OR2C1: variants seen among roughly 807,000 people sequenced by gnomAD.
OR2C1 encodes olfactory receptor 2C1.
For missense variants in OR2C1, 468 were observed against 388.3 expected, an observed-to-expected ratio of 1.21 and a Z score of -1.73; for synonymous variants, 209 against 167.3, an observed-to-expected ratio of 1.25 and a Z score of -1.92.
At chr16:3,347,775 TGCACACAC>T in the OR2C1 span, among the ~76,000 whole-genome samples, 2 of 151,266 alleles carry the variant, frequency 1.3e-5, no homozygotes, top group Non-Finnish European at 2.9e-5. Flanking sequence ...TGAACACACA[TGCACACAC>T]GCACACACAC....
the OR2C1 span, among the ~76,000 whole-genome samples, chr16:3,347,076 C>G: frequency 6.6e-6 from 1 of 150,910 alleles, no homozygotes; most frequent in African/African-American, 2.4e-5. Context: ...GAAACCTCAT[C>G]TCTACTAAAG....
chr16:3,337,203 G>A, the OR2C1 span, among the ~76,000 whole-genome samples: 1 of 150,172 alleles, frequency 6.7e-6, no homozygotes, highest in Non-Finnish European at 1.5e-5. Flanking sequence ...CTCCCAGGCT[G>A]GAGTGCAGTG....
At chr16:3,333,292 T>C in the OR2C1 span, among the ~76,000 whole-genome samples, 1 of 141,618 alleles carries the variant, frequency 7.1e-6, no homozygotes, top group Non-Finnish European at 1.5e-5. Context: ...GTTTTTAGTT[T>C]CTTGTCAGAG....
chr16:3,328,486 T>C, the OR2C1 span, among the ~76,000 whole-genome samples: 2 of 152,254 alleles, frequency 1.3e-5, no homozygotes, highest in Admixed American at 6.5e-5. Context: ...ATTGGGAAGA[T>C]ATTTATTGGT....
At chr16:3,342,515 C>T in the OR2C1 span, among the ~76,000 whole-genome samples, 1 of 152,100 alleles carries the variant, frequency 6.6e-6, no homozygotes, top group South Asian at 2.1e-4. Context: ...GTCAGGAGTT[C>T]GAGACCAGTC....
At chr16:3,353,822 G>GAAGA (rs1277912957), upstream of OR2C1, among the ~76,000 whole-genome samples, 49 of 151,924 alleles carry the variant, frequency 3.2e-4, no homozygotes, top group African/African-American at 1.2e-3. Flanking sequence ...AAGAAGGAAG[G>GAAGA]AAGGAAGGAA....
the OR2C1 span, chr16:3,323,126 A>G: frequency 1.8e-6 from 1 of 545,586 alleles, no homozygotes; most frequent in Admixed American, 3.4e-5. Flanking sequence ...AATCTCAAAA[A>G]AACAAAAACA....
chr16:3,348,909 C>G, the OR2C1 span, among the ~76,000 whole-genome samples: 1 of 151,762 alleles, frequency 6.6e-6, no homozygotes, highest in Non-Finnish European at 1.5e-5. Context: ...ACTGGGACTC[C>G]CCCTCTCTGC....
upstream of OR2C1, among the ~76,000 whole-genome samples, chr16:3,351,887 C>CTTTTTTTT (rs35692577): frequency 7.2e-5 from 9 of 124,578 alleles, no homozygotes; most frequent in Non-Finnish European, 8.6e-5. Flanking sequence ...AGCATTTAGT[C>CTTTTTTTT]TTTTTTTTTT....
chr16:3,344,267 C>T, the OR2C1 span, among the ~76,000 whole-genome samples: 75 of 151,662 alleles, frequency 4.9e-4, no homozygotes, highest in African/African-American at 1.6e-3. Flanking sequence ...ACAAGAAAAA[C>T]AGAAAAATGA....
the OR2C1 span, among the ~76,000 whole-genome samples, chr16:3,334,432 C>A: frequency 6.6e-6 from 1 of 151,412 alleles, no homozygotes; most frequent in Admixed American, 6.6e-5. Flanking sequence ...CACCTCAGCA[C>A]AGCCTGCTAA....
chr16:3,323,116 A>T, the OR2C1 span: 6 of 554,774 alleles, frequency 1.1e-5, no homozygotes, highest in South Asian at 1.3e-4. Flanking sequence ...TGATAAAAAA[A>T]ATCTCAAAAA....
At chr16:3,347,471 T>G in the OR2C1 span, among the ~76,000 whole-genome samples, 138 of 151,988 alleles carry the variant, frequency 9.1e-4, 2 homozygotes, top group East Asian at 0.018. Context: ...ACATACTTTT[T>G]TTTTTTTTGA....
chr16:3,335,589 C>T, the OR2C1 span, among the ~76,000 whole-genome samples: 5 of 124,260 alleles, frequency 4.0e-5, no homozygotes, highest in Admixed American at 5.3e-4. Context: ...TGCAGTAGCG[C>T]AATATTGGCT....
the OR2C1 span, among the ~76,000 whole-genome samples, chr16:3,338,003 C>G: frequency 6.6e-6 from 1 of 152,174 alleles, no homozygotes; most frequent in Non-Finnish European, 1.5e-5. Flanking sequence ...TGGCAGTAGA[C>G]GGTGCCTTAA....
At chr16:3,349,578 C>G in the OR2C1 span, among the ~76,000 whole-genome samples, 2 of 152,068 alleles carry the variant, frequency 1.3e-5, no homozygotes, top group South Asian at 4.1e-4. Context: ...GGGGGAATCT[C>G]AAAGCCAAAG....
the OR2C1 span, among the ~76,000 whole-genome samples, chr16:3,338,602 C>A: frequency 2.0e-4 from 27 of 131,946 alleles, no homozygotes; most frequent in African/African-American, 7.3e-4. Context: ...CAGTGGCGCG[C>A]TCTCGGCTCA....
At chr16:3,357,818 C>T (rs931843606), downstream of OR2C1, among the ~76,000 whole-genome samples, 3 of 151,806 alleles carry the variant, frequency 2.0e-5, no homozygotes, top group Non-Finnish European at 2.9e-5. Context: ...ACTGTCTCCA[C>T]TAAAAATACA....
chr16:3,347,196 A>G, the OR2C1 span, among the ~76,000 whole-genome samples: 1 of 146,908 alleles, frequency 6.8e-6, no homozygotes, highest in Non-Finnish European at 1.5e-5. Flanking sequence ...GCAGTGAGCC[A>G]AGATGGTGCC....
Sources: allele counts gnomAD v4.1 joint callset (sites outside exome capture counted in the v4.1 genomes callset), GRCh38; gene constraint gnomAD v4.1.1; transcripts MANE v1.5; gene names NCBI Gene and HGNC (gene_info 2026-07-23, HGNC 2026-07-21).